Variants in SLC16A12 observed in about 807,000 individuals in gnomAD.
SLC16A12 encodes monocarboxylate transporter 12.
Under a neutral mutation model 42.4 loss-of-function variants are expected in SLC16A12, and 17 were observed. The observed-to-expected ratio is 0.40, with a 90% confidence interval of 0.27 to 0.60. SLC16A12 has a LOEUF of 0.60. Among genes scored for constraint, SLC16A12 ranks in the 20% least tolerant of loss-of-function variants. The probability of loss-of-function intolerance (pLI) is 0.42; values close to 1 mark genes in which losing one functional copy is unlikely to be tolerated. For missense variants in SLC16A12, 544 were observed against 623.0 expected (o/e 0.87, Z 1.35); for synonymous variants, 224 against 229.4 (o/e 0.98, Z 0.21).
rs529290592 is a variant in SLC16A12 at position 89,484,336 on chromosome 10, A to AT, written c.-46-21713dup. On this transcript the variant is annotated intron_variant, in intron 2 of 7. Transcript: ENST00000371790. Reference sequence around the variant, plus strand: ...ATGTTCTATTATAGAATATCTTATGATTGATTACCAGATACTCCCTCAGAT... The same window carrying AT: ...ATGTTCTATTATAGAATATCTTATGATTTGATTACCAGATACTCCCTCAGAT... 2.0e-4 allele frequency among the ~76,000 whole-genome samples: 31 copies of AT among 152,290 alleles called. 1 individual carries two copies. The East Asian group carries it at 6.0e-3, about 29-fold the overall frequency.
intron 3 of SLC16A12, among the ~76,000 whole-genome samples, chr10:89,457,714 A>C (rs1842218738): frequency 6.6e-6 from 1 of 152,178 alleles, no homozygotes. Flanking sequence ...CAGAACACTG[A>C]ATTAGCCAGA....
chr10:89,522,334 AT>A (rs1221391417), intron 2 of SLC16A12, among the ~76,000 whole-genome samples: 2 of 152,074 alleles, frequency 1.3e-5, no homozygotes, highest in Non-Finnish European at 2.9e-5. Context: ...GCTTTCCCCC[AT>A]TCCATTAACT....
chr10:89,529,967 A>G (rs1430425332), intron 2 of SLC16A12, among the ~76,000 whole-genome samples: 1 of 152,242 alleles, frequency 6.6e-6, no homozygotes, highest in Non-Finnish European at 1.5e-5. Flanking sequence ...AGAAATGGAA[A>G]CATTAGAAGC....
intron 3 of SLC16A12, among the ~76,000 whole-genome samples, chr10:89,448,877 G>C (rs891113749): frequency 2.0e-5 from 3 of 152,098 alleles, no homozygotes; most frequent in African/African-American, 7.2e-5. Context: ...CAGCCCAAAA[G>C]CTCCTTAAGC....
At chr10:89,535,971 C>G (rs990296403), upstream of SLC16A12, among the ~76,000 whole-genome samples, 2 of 152,342 alleles carry the variant, frequency 1.3e-5, no homozygotes, top group South Asian at 2.1e-4. Flanking sequence ...TCTGCCTGGC[C>G]GGCAAAGAGG....
intron 2 of SLC16A12, among the ~76,000 whole-genome samples, chr10:89,533,726 A>G (rs1171171686): frequency 6.6e-6 from 1 of 152,036 alleles, no homozygotes; most frequent in African/African-American, 2.4e-5. Flanking sequence ...ATAATATAAA[A>G]ATAATTTAAA....
intron 2 of SLC16A12, among the ~76,000 whole-genome samples, chr10:89,507,707 G>A (rs1342148266): frequency 3.9e-5 from 6 of 152,158 alleles, no homozygotes; most frequent in Non-Finnish European, 8.8e-5. Context: ...CATAATGACA[G>A]GATCAAATTC....
intron 2 of SLC16A12, among the ~76,000 whole-genome samples, chr10:89,486,651 GAA>G (rs1211755359): frequency 2.1e-5 from 1 of 47,916 alleles, no homozygotes; most frequent in Non-Finnish European, 4.2e-5. Flanking sequence ...AAGAAAGAAA[GAA>G]AGAAAGAAAG....
chr10:89,495,662 C>A (rs1371174099), intron 2 of SLC16A12, among the ~76,000 whole-genome samples: 2 of 152,136 alleles, frequency 1.3e-5, no homozygotes, highest in Admixed American at 6.5e-5. Flanking sequence ...TGTAGTTGGG[C>A]AAACTCATTT....
At position 89,496,710 on chromosome 10, in the gene SLC16A12, G is replaced by A. The variant is rs1842926466; in HGVS notation, c.-46-34086C>T. On this transcript the variant is annotated intron_variant, in intron 2 of 7. Transcript: ENST00000371790. The stretch of plus-strand genomic sequence containing the variant: ...AACATCCTCATGATTTGGAGGTATG[G>A]AAAGAATTCTAAAACAGGGTTCAAA... Among the ~76,000 whole-genome samples, 4 of 152,182 alleles carry A rather than the reference G, an allele frequency of 2.6e-5. No individual in the cohort carries two copies. In the South Asian group the frequency reaches 8.3e-4, roughly 32 times the overall value.
chr10:89,433,437 T>C (rs1222693039), intron 7 of SLC16A12, 111 bp from the exon 8 acceptor site: 10 of 1,134,486 alleles, frequency 8.8e-6, no homozygotes, highest in South Asian at 8.2e-5. Context: ...GCACCACCAA[T>C]TGTAACTTTG....
intron 2 of SLC16A12, among the ~76,000 whole-genome samples, chr10:89,496,184 A>G (rs1842919609): frequency 6.6e-6 from 1 of 152,174 alleles, no homozygotes; most frequent in African/African-American, 2.4e-5. Flanking sequence ...AATTCAGGGC[A>G]TGAAAGAACA....
intron 2 of SLC16A12, among the ~76,000 whole-genome samples, chr10:89,520,720 C>CAAAAAA (rs10712043): frequency 2.0e-5 from 2 of 100,128 alleles, no homozygotes; most frequent in African/African-American, 8.0e-5. Context: ...TCACATAGGC[C>CAAAAAA]AAAAAAAAAA....
chr10:89,539,859 TTCTTTC>T (rs1270682613), upstream of SLC16A12, among the ~76,000 whole-genome samples: 17 of 117,032 alleles, frequency 1.5e-4, no homozygotes, highest in South Asian at 2.7e-4. Context: ...AAACAAATTT[TTCTTTC>T]TTTCTTTCTT....
At chr10:89,449,911 A>G (rs1842065055) in intron 3 of SLC16A12, among the ~76,000 whole-genome samples, 1 of 152,266 alleles carries the variant, frequency 6.6e-6, no homozygotes, top group Non-Finnish European at 1.5e-5. Flanking sequence ...CAAATTTACA[A>G]GAAAAAAATC....
intron 2 of SLC16A12, among the ~76,000 whole-genome samples, chr10:89,489,540 C>G (rs1239019939): frequency 4.6e-5 from 7 of 151,986 alleles, no homozygotes; most frequent in Admixed American, 4.6e-4. Context: ...CGGGCTCTCC[C>G]CATGTTACCC....
intron 3 of SLC16A12, among the ~76,000 whole-genome samples, chr10:89,460,141 T>C (rs1842272880): frequency 6.6e-6 from 1 of 152,078 alleles, no homozygotes; most frequent in Non-Finnish European, 1.5e-5. Flanking sequence ...ACCCCTAAGA[T>C]TCCAGCATGA....
At chr10:89,441,045 G>A (rs1841899566) in intron 5 of SLC16A12, 63 bp downstream of exon 5, 3 of 1,589,214 alleles carry the variant, frequency 1.9e-6, no homozygotes, top group Non-Finnish European at 8.6e-7. Flanking sequence ...TTACTTCTCT[G>A]TTGATGTGCT....
intron 5 of SLC16A12, among the ~76,000 whole-genome samples, chr10:89,439,543 A>C (rs539194767): frequency 1.4e-4 from 22 of 152,334 alleles, no homozygotes; most frequent in African/African-American, 5.3e-4. Context: ...AATTATCCAG[A>C]CAATTCCCTA....
Sources: allele counts gnomAD v4.1 joint callset (sites outside exome capture counted in the v4.1 genomes callset), GRCh38; gene constraint gnomAD v4.1.1; transcripts MANE v1.5; gene names NCBI Gene and HGNC (gene_info 2026-07-23, HGNC 2026-07-21).